Variants in NUDT5 observed in about 807,000 individuals in gnomAD.
The protein encoded by NUDT5 is nudix hydrolase 5, also known as ADP-sugar pyrophosphatase.
In NUDT5, 21 loss-of-function variants were observed where a neutral mutation model predicts 34.1. That is an observed-to-expected ratio of 0.62 (90% confidence interval 0.44 to 0.89). NUDT5 has a LOEUF of 0.89. Among genes scored for constraint, NUDT5 ranks in the 40% least tolerant of loss-of-function variants. The pLI, the probability that NUDT5 is intolerant of heterozygous loss-of-function variation, is 0.00. For missense variants in NUDT5, 249 were observed against 274.8 expected (o/e 0.91, Z 0.66); for synonymous variants, 85 against 97.6 (o/e 0.87, Z 0.76).
At chr10:12,176,170 C>T (rs1834946732) in intron 5 of NUDT5, among the ~76,000 whole-genome samples, 1 of 151,144 alleles carries the variant, frequency 6.6e-6, no homozygotes, top group Non-Finnish European at 1.5e-5. Flanking sequence ...GCACTCCAGC[C>T]TGGGCAACAA....
At chr10:12,191,906 C>T (rs535701906) in intron 1 of NUDT5, among the ~76,000 whole-genome samples, 6 of 152,200 alleles carry the variant, frequency 3.9e-5, no homozygotes, top group African/African-American at 1.4e-4. Context: ...AACTCAAAAG[C>T]CTGGTTCTGC....
chr10:12,180,734 G>A (rs778512721), intron 3 of NUDT5, among the ~76,000 whole-genome samples: 37 of 152,164 alleles, frequency 2.4e-4, no homozygotes, highest in Admixed American at 8.5e-4. Context: ...CCTCCCTGAG[G>A]CTCTTCCCTC....
At chr10:12,186,400 C>T in intron 1 of NUDT5, 68 bp from the exon 2 acceptor site, 3 of 886,502 alleles carry the variant, frequency 3.4e-6, no homozygotes, top group Non-Finnish European at 5.6e-6. Context: ...CCACAGGACA[C>T]TAGTCAAAGT....
chr10:12,168,863 A>G lies in NUDT5; in HGVS notation c.551-1052T>C, dbSNP rs1295649973. Among the ~76,000 whole-genome samples, 1 of 151,988 alleles carries G rather than the reference A, an allele frequency of 6.6e-6. No individual in the cohort carries two copies. The highest frequency in any genetic ancestry group is 2.4e-5 in the African/African-American group (1 of 41,350). On this transcript the variant is annotated intron_variant, in intron 9 of 9. Transcript: ENST00000491614. This position sits in a 1 kb window ranked among gnomAD's most constrained non-coding sequence, Gnocchi z 4.8. The stretch of plus-strand genomic sequence containing the variant: ...CTGCAACCTGCGCCTCCCGGGTTCA[A>G]GCGATTCTCCTGCCCCAGCCTCCTG...
chr10:12,193,072 G>A (rs114382529), intron 1 of NUDT5, among the ~76,000 whole-genome samples: 9 of 152,096 alleles, frequency 5.9e-5, no homozygotes, highest in Non-Finnish European at 1.2e-4. Flanking sequence ...CACATTTAAT[G>A]CTGGTTGAGC....
Position 12,168,021 on chromosome 10 carries a change from A to T in NUDT5, c.551-210T>A. The T allele has an allele frequency of 3.3e-6, 3 of 922,824 alleles. No individual in the cohort carries two copies. Among genetic ancestry groups the T allele is most frequent in the Non-Finnish European group, 4.3e-6 (3 of 692,362 alleles). The allele number at this position is 922,824 out of a possible 1,614,324, so 57.2% of individuals were successfully genotyped here. ...CTAGCATGAGACAAGAACATCAGGG[A>T]TAATGATTTTTTTTTTTTTTGGTGA... is the stretch of plus-strand genomic sequence containing the variant. On this transcript the variant is annotated intron_variant, in intron 9 of 9. Transcript: ENST00000491614. This position sits in a 1 kb window ranked among gnomAD's most constrained non-coding sequence, Gnocchi z 4.8.
chr10:12,184,454 T>G, intron 3 of NUDT5: 1 of 1,532,442 alleles, frequency 6.5e-7, no homozygotes, highest in South Asian at 1.2e-5. Flanking sequence ...GTACAAAATG[T>G]TTTTTTCCCA....
At chr10:12,184,405 G>A (rs754884296) in intron 3 of NUDT5, 10 of 1,165,990 alleles carry the variant, frequency 8.6e-6, no homozygotes, top group South Asian at 1.5e-5. Flanking sequence ...AAAGGGTACA[G>A]TATCTTTAGG....
chr10:12,186,142 G>T lies in NUDT5; in HGVS notation c.63+87C>A. ...TTTACAACTGTCTTCAAGAATGAAAGACCACCATTGTAACAACAGTCTATA... is the reference window on the plus strand; with the variant it reads ...TTTACAACTGTCTTCAAGAATGAAATACCACCATTGTAACAACAGTCTATA... On this transcript the variant is annotated intron_variant, in intron 2 of 9. Transcript: ENST00000491614. 5 of 1,045,874 alleles carry T rather than the reference G, an allele frequency of 4.8e-6. No homozygotes were observed. The Admixed American group carries it at 7.9e-5, about 17-fold the overall frequency. 64.8% of individuals were successfully genotyped at this position (1,045,874 alleles called of 1,614,324 possible).
chr10:12,192,855 GA>G (rs1025829953), intron 1 of NUDT5, among the ~76,000 whole-genome samples: 2 of 148,970 alleles, frequency 1.3e-5, no homozygotes, highest in South Asian at 2.1e-4. Flanking sequence ...TGTCTCAAAA[GA>G]AAAAAAAAGG....
chr10:12,170,404 C>T lies in NUDT5; in HGVS notation c.550+313G>A. ...CTTATCTACCCACACCTTTGCATTG[C>T]TATGGACTGAAGGTTTAAAGTGTAG... On this transcript the variant is annotated intron_variant, in intron 9 of 9. Coordinates refer to ENST00000491614, the MANE Select transcript of NUDT5 (RefSeq NM_014142.4). This position sits in a 1 kb window ranked among gnomAD's most constrained non-coding sequence, Gnocchi z 4.9. 1.6e-6 allele frequency: 1 copy of T among 624,182 alleles called. No individual in the cohort carries two copies. The highest frequency in any genetic ancestry group is 2.8e-6 in the Non-Finnish European group (1 of 357,656). 38.7% of individuals were successfully genotyped at this position (624,182 alleles called of 1,614,324 possible).
chr10:12,195,555 G>A (rs1378129874), intron 1 of NUDT5, among the ~76,000 whole-genome samples: 1 of 152,168 alleles, frequency 6.6e-6, no homozygotes, highest in Admixed American at 6.5e-5. Context: ...GGTGTTCCCC[G>A]CTTTCTTTAC....
chr10:12,177,280 G>A (rs1298697565), intron 5 of NUDT5, among the ~76,000 whole-genome samples: 1 of 152,170 alleles, frequency 6.6e-6, no homozygotes, highest in East Asian at 1.9e-4. Context: ...AGCACTTTGC[G>A]AGGCCAAGGC....
At chr10:12,190,182 C>T (rs1835199048) in intron 1 of NUDT5, among the ~76,000 whole-genome samples, 1 of 152,170 alleles carries the variant, frequency 6.6e-6, no homozygotes, top group Non-Finnish European at 1.5e-5. Context: ...AGTCACCGCG[C>T]CAGCGAGTGT....
At chr10:12,192,303 CA>C (rs66550394) in intron 1 of NUDT5, among the ~76,000 whole-genome samples, 48,214 of 135,002 alleles carry the variant, frequency 0.36, 8,048 homozygotes, top group East Asian at 0.44. Context: ...ACTCTGTCTC[CA>C]AAAAAAAAAA....
rs750377443 is a variant in NUDT5 at position 12,167,718 on chromosome 10, G to C, written c.644C>G (p.Pro215Arg). 6.2e-6 allele frequency: 10 copies of C among 1,613,904 alleles called. No individual in the cohort carries two copies. Among genetic ancestry groups the C allele is most frequent in the Non-Finnish European group, 8.5e-6 (10 of 1,179,978 alleles). ...TATTTGGGCTTAAAATTTCAAGAAGGGCACTTCAAATGGCTTTGCATTTGC... is the reference window on the plus strand; with the variant it reads ...TATTTGGGCTTAAAATTTCAAGAAGCGCACTTCAAATGGCTTTGCATTTGC... Reference protein sequence around the residue: ...KHANAKPFEVPFLKF With the variant: ...KHANAKPFEVRFLKF The change falls in exon 10 of 10, where the codon CCC becomes CGC. Residue 215 changes from proline to arginine, a missense_variant. Coordinates refer to ENST00000491614, the MANE Select transcript of NUDT5 (RefSeq NM_014142.4).
Position 12,177,995 on chromosome 10 carries a change from A to T in NUDT5, c.182-95T>A, listed in dbSNP as rs114050678. The T allele has an allele frequency of 9.2e-4, 729 of 789,364 alleles. 5 individuals carry two copies. In the African/African-American group the frequency reaches 0.012, roughly 12 times the overall value. The allele number at this position is 789,364 out of a possible 1,614,324, so 48.9% of individuals were successfully genotyped here. ...CAAGCTAATGAAAACCCCAGACTTT[A>T]AGAAACTCCGTTTTAATCTACAATA... On this transcript the variant is annotated intron_variant, in intron 4 of 9. Coordinates refer to ENST00000491614, the MANE Select transcript of NUDT5 (RefSeq NM_014142.4).
chr10:12,177,270 A>G (rs1197343376), intron 5 of NUDT5, among the ~76,000 whole-genome samples: 1 of 152,228 alleles, frequency 6.6e-6, no homozygotes, highest in South Asian at 2.1e-4. Context: ...CTGTAATCCC[A>G]GCACTTTGCG....
rs1197800179 is a variant in NUDT5 at position 12,168,392 on chromosome 10, T to C, written c.551-581A>G. ...AGAGCCAATCGCTATACCTCATTTA[T>C]AGCTGGGGTAGGGCTTTGCTTTTCT... is the stretch of plus-strand genomic sequence containing the variant. On this transcript the variant is annotated intron_variant, in intron 9 of 9. Transcript: ENST00000491614. The surrounding 1 kb of genome is among the most constrained non-coding windows in gnomAD (Gnocchi z 4.8). 2.0e-5 allele frequency among the ~76,000 whole-genome samples: 3 copies of C among 152,206 alleles called. No homozygotes were observed. Among genetic ancestry groups the C allele is most frequent in the Admixed American group, 6.5e-5 (1 of 15,288 alleles).
Sources: allele counts gnomAD v4.1 joint callset (sites outside exome capture counted in the v4.1 genomes callset), GRCh38; gene constraint gnomAD v4.1.1; non-coding constraint Gnocchi (gnomAD v3.1); transcripts MANE v1.5; gene names NCBI Gene and HGNC (gene_info 2026-07-23, HGNC 2026-07-21).